The following SPEF1 variants were observed in gnomAD, a reference collection of about 807,000 sequenced individuals.
SPEF1 encodes sperm flagella and cilia-associated protein 1.
A neutral mutation model predicts 31.8 loss-of-function variants in SPEF1; 30 were observed. That is an observed-to-expected ratio of 0.94 (90% confidence interval 0.70 to 1.28). SPEF1 has a LOEUF of 1.28. Ranked by LOEUF, SPEF1 falls within the 50% of genes most tolerant of loss-of-function variation. SPEF1 has a pLI of 0.00. For synonymous variants in SPEF1, 126 were observed against 130.1 expected (o/e 0.97, Z 0.21); for missense variants, 298 against 309.6 (o/e 0.96, Z 0.28).
chr20:3,777,967 T>G lies in SPEF1; in HGVS notation c.*245A>C. 2 of 486,350 alleles carry G rather than the reference T, an allele frequency of 4.1e-6. No individual in the cohort carries two copies. Among genetic ancestry groups the G allele is most frequent in the Non-Finnish European group, 7.3e-6 (2 of 272,938 alleles). 30.1% of individuals were successfully genotyped at this position (486,350 alleles called of 1,614,324 possible). On this transcript the variant is annotated 3_prime_UTR_variant, in exon 7 of 7. Transcript: ENST00000379756. This position sits in a 1 kb window ranked among gnomAD's most constrained non-coding sequence, Gnocchi z 4.1. ...CTTCTGGGCTCTGGAAAGCGGTCCATTCTCCTGACCCGGATCTCCGGAGTG... is the reference window on the plus strand; with the variant it reads ...CTTCTGGGCTCTGGAAAGCGGTCCAGTCTCCTGACCCGGATCTCCGGAGTG...
Position 3,778,479 on chromosome 20 carries a change from A to G in SPEF1, c.545T>C (p.Phe182Ser). The G allele has an allele frequency of 6.2e-7, 1 of 1,613,500 alleles. No individual in the cohort carries two copies. The highest frequency in any genetic ancestry group is 8.5e-7 in the Non-Finnish European group (1 of 1,179,948). ...CTCCTTTTCAGCGATCTGGAGGACGAAGCTGGGGTCGCCCTGCAACGCCCG... is the reference window on the plus strand; with the variant it reads ...CTCCTTTTCAGCGATCTGGAGGACGGAGCTGGGGTCGCCCTGCAACGCCCG... ...YNRALQGDPS[F>S]VLQIAEKEQE... is the part of the protein sequence containing the mutation. Residue 182 changes from phenylalanine (F) to serine (S), a missense_variant, in exon 6 of 7, where the codon TTC (phenylalanine) becomes TCC (serine). Coordinates refer to ENST00000379756, the MANE Select transcript of SPEF1 (RefSeq NM_015417.5).
chr20:3,779,247 C>T lies in SPEF1; in HGVS notation c.327G>A (p.Gln109=). ...VVELVLIPLR[Q]RLEERQRRRK... ...TGCGCCTCTGCCTCTCCTCCAGGCG[C>T]TGCCTCAGCGGGATGAGCACCAGCT... The change falls in exon 3 of 7, where the codon CAG becomes CAA. Residue 109 remains glutamine (Q), a synonymous_variant. Coordinates refer to ENST00000379756, the MANE Select transcript of SPEF1 (RefSeq NM_015417.5). 1 of 1,591,580 alleles carries T rather than the reference C, an allele frequency of 6.3e-7. No individual in the cohort carries two copies. Among genetic ancestry groups the T allele is most frequent in the Non-Finnish European group, 8.6e-7 (1 of 1,167,776 alleles).
chr20:3,780,315 C>T (rs2088771980), intron 1 of SPEF1, among the ~76,000 whole-genome samples: 1 of 106,058 alleles, frequency 9.4e-6, no homozygotes, highest in African/African-American at 3.7e-5. Flanking sequence ...GCCTGGGCGA[C>T]AAGAGTGAGA....
Position 3,778,729 on chromosome 20 carries a change from A to C in SPEF1, c.479+17T>G. On this transcript the variant is annotated intron_variant, in intron 5 of 6. Transcript: ENST00000379756. The stretch of plus-strand genomic sequence containing the variant: ...GATCACCAGCCTGGTGAAGTCTGGA[A>C]CTCCCAGCTTCTTTACCTGAGCTGA... 6.2e-7 allele frequency: 1 copy of C among 1,612,108 alleles called. No homozygotes were observed. Among genetic ancestry groups the C allele is most frequent in the Non-Finnish European group, 8.5e-7 (1 of 1,178,938 alleles).
chr20:3,778,356 T>A, intron 6 of SPEF1, 37 bp from the exon 7 acceptor site: 4 of 1,612,718 alleles, frequency 2.5e-6, no homozygotes, highest in East Asian at 2.2e-5. Flanking sequence ...CCTGGCGGTC[T>A]GCTCCCTCCT....
chr20:3,778,676 G>A (rs1473815542), intron 5 of SPEF1, 70 bp downstream of exon 5: 2 of 1,590,194 alleles, frequency 1.3e-6, no homozygotes, highest in Non-Finnish European at 1.7e-6. Context: ...TCAGCGTACC[G>A]TGCCCCCCAA....
At position 3,779,210 on chromosome 20, in the gene SPEF1, C is replaced by A; in HGVS notation, c.364G>T (p.Ala122Ser). 6.3e-7 allele frequency: 1 copy of A among 1,575,390 alleles called. No individual in the cohort carries two copies. Among genetic ancestry groups the A allele is most frequent in the South Asian group, 1.1e-5 (1 of 87,142 alleles). Residue 122 changes from alanine (A) to serine (S), a missense_variant, in exon 3 of 7, where the codon GCC (alanine) becomes TCC (serine). Physicochemically the swap from Ala to Ser is moderately conservative, Grantham distance 99. Coordinates refer to ENST00000379756, the MANE Select transcript of SPEF1 (RefSeq NM_015417.5). ...EERQRRRKQG[A>S]GSLQELAPQD... ...CGGGGTGGCACCTGTAAGGAGCCGGCGCCCTGCTTCCTGCGCCTCTGCCTC... is the reference window on the plus strand; with the variant it reads ...CGGGGTGGCACCTGTAAGGAGCCGGAGCCCTGCTTCCTGCGCCTCTGCCTC...
At chr20:3,781,097 A>T in intron 1 of SPEF1, 82 bp downstream of exon 1, 1 of 1,571,768 alleles carries the variant, frequency 6.4e-7, no homozygotes, top group Non-Finnish European at 8.7e-7. Context: ...TCCCACAAGC[A>T]CACAAACACA....
In SPEF1 at chr20:3,779,224, C is replaced by T; in HGVS notation, c.350G>A (p.Arg117His). 3.8e-6 allele frequency: 6 copies of T among 1,581,634 alleles called. No homozygotes were observed. Among genetic ancestry groups the T allele is most frequent in the Non-Finnish European group, 4.3e-6 (5 of 1,161,824 alleles). ...TAAGGAGCCGGCGCCCTGCTTCCTG[C>T]GCCTCTGCCTCTCCTCCAGGCGCTG... ...LRQRLEERQR[R>H]RKQGAGSLQE... The change falls in exon 3 of 7, where the codon CGC (arginine) becomes CAC (histidine). Residue 117 changes from arginine to histidine, a missense_variant. Physicochemically the swap from Arg to His is conservative, Grantham distance 29. Coordinates refer to ENST00000379756, the MANE Select transcript of SPEF1 (RefSeq NM_015417.5).
At chr20:3,780,059 C>A (rs867828715) in intron 1 of SPEF1, among the ~76,000 whole-genome samples, 1 of 152,010 alleles carries the variant, frequency 6.6e-6, no homozygotes, top group East Asian at 1.9e-4. Flanking sequence ...AATGAGTCAG[C>A]CAGTGCAGGG....
At chr20:3,779,424 G>T in intron 2 of SPEF1, 72 bp from the exon 3 acceptor site, 1 of 1,328,528 alleles carries the variant, frequency 7.5e-7, no homozygotes. Flanking sequence ...GAGAGGGAAG[G>T]GGGCATGGTG....
chr20:3,780,958 C>T (rs571146600), intron 1 of SPEF1, among the ~76,000 whole-genome samples: 6 of 152,132 alleles, frequency 3.9e-5, no homozygotes, highest in Non-Finnish European at 8.8e-5. Flanking sequence ...GGCACCCCCC[C>T]CAACATGCAC....
Position 3,781,202 on chromosome 20 carries a change from A to G in SPEF1, c.86T>C (p.Leu29Pro), listed in dbSNP as rs1405335388. The change falls in exon 1 of 7, where the codon CTC becomes CCC. Residue 29 changes from leucine to proline, a missense_variant. Leu to Pro is a moderately conservative substitution (Grantham distance 98). Coordinates refer to ENST00000379756, the MANE Select transcript of SPEF1 (RefSeq NM_015417.5). ...ACCTCCATCGCTAAAGTCCCGGGAG[A>G]GGTTTCGCTTGGGCCGGGACAGAGG... ...NIPLSRPKRN[L>P]SRDFSDGVLV... 4 of 1,614,054 alleles carry G rather than the reference A, an allele frequency of 2.5e-6. No individual in the cohort carries two copies. Among genetic ancestry groups the G allele is most frequent in the Non-Finnish European group, 3.4e-6 (4 of 1,180,040 alleles).
In SPEF1 at chr20:3,779,206, C is replaced by G. The variant is rs370953546; in HGVS notation, c.368G>C (p.Gly123Ala). ...ERQRRRKQGAGSLQELAPQDG... is the reference protein window; with the variant it reads ...ERQRRRKQGAASLQELAPQDG... ...GGAGCGGGGTGGCACCTGTAAGGAG[C>G]CGGCGCCCTGCTTCCTGCGCCTCTG... The change falls in exon 3 of 7, where the codon GGC (glycine) becomes GCC (alanine). Residue 123 changes from glycine (G) to alanine (A), a missense_variant. Physicochemically the swap from Gly to Ala is moderately conservative, Grantham distance 60 (BLOSUM62 0). Coordinates refer to ENST00000379756, the MANE Select transcript of SPEF1 (RefSeq NM_015417.5). 7.0e-6 allele frequency: 11 copies of G among 1,573,550 alleles called. No homozygotes were observed. The African/African-American group carries it at 1.1e-4, about 15-fold the overall frequency.
intron 5 of SPEF1, 38 bp downstream of exon 5, chr20:3,778,699 GCAGAGATCA>G (rs780726935): frequency 6.2e-7 from 1 of 1,601,534 alleles, no homozygotes; most frequent in East Asian, 2.2e-5. Flanking sequence ...CCAGCTGTGT[GCAGAGATCA>G]CCAGCCTGGT....
chr20:3,778,387 G>A (rs1020205658), intron 6 of SPEF1, 34 bp downstream of exon 6: 30 of 1,613,612 alleles, frequency 1.9e-5, no homozygotes, highest in East Asian at 2.2e-5. Flanking sequence ...TGCTGGCCGC[G>A]AGCCCCCACC....
At chr20:3,779,157 G>C in intron 3 of SPEF1, 39 bp downstream of exon 3, 1 of 1,544,818 alleles carries the variant, frequency 6.5e-7, no homozygotes, top group Non-Finnish European at 8.8e-7. Context: ...CCCCCACCCA[G>C]CCCCCAGAGC....
Position 3,779,889 on chromosome 20 carries a change from G to T in SPEF1, c.110-114C>A, listed in dbSNP as rs1426619757. The T allele has an allele frequency of 1.3e-5, 7 of 534,512 alleles. No homozygotes were observed. In the East Asian group the frequency reaches 2.2e-4, roughly 16 times the overall value. The allele number at this position is 534,512 out of a possible 1,614,324, so 33.1% of individuals were successfully genotyped here. ...GGCAGAGTGGTGGAACCCAATGGAG[G>T]GGTGGAGATGCGGAAAGGGGAAGGA... is the stretch of plus-strand genomic sequence containing the variant. On this transcript the variant is annotated intron_variant, in intron 1 of 6. Coordinates refer to ENST00000379756, the MANE Select transcript of SPEF1 (RefSeq NM_015417.5).
chr20:3,778,154 G>T lies in SPEF1; in HGVS notation c.*58C>A. The stretch of plus-strand genomic sequence containing the variant: ...GTCTATCCATCGGTGGGTGGGTCCG[G>T]CGCGGCGTCGGGGCTCTGGCGGGTA... On this transcript the variant is annotated 3_prime_UTR_variant, in exon 7 of 7. Coordinates refer to ENST00000379756, the MANE Select transcript of SPEF1 (RefSeq NM_015417.5). The T allele has an allele frequency of 7.9e-7, 1 of 1,261,246 alleles. No homozygotes were observed. Among genetic ancestry groups the T allele is most frequent in the Non-Finnish European group, 1.1e-6 (1 of 923,518 alleles). The allele number at this position is 1,261,246 out of a possible 1,614,324, so 78.1% of individuals were successfully genotyped here.
Sources: allele counts gnomAD v4.1 joint callset (sites outside exome capture counted in the v4.1 genomes callset), GRCh38; gene constraint gnomAD v4.1.1; non-coding constraint Gnocchi (gnomAD v3.1); transcripts MANE v1.5; gene names NCBI Gene and HGNC (gene_info 2026-07-23, HGNC 2026-07-21).